Variants in DCDC2C observed in about 807,000 individuals in gnomAD.
DCDC2C encodes doublecortin domain containing 2C, also known as doublecortin domain-containing protein 2C.
DCDC2C carries 44 observed loss-of-function variants against 45.0 expected under a neutral mutation model. The ratio of observed to expected loss-of-function variants is 0.98; its 90% CI spans 0.77 to 1.26. The LOEUF is 1.26. Among genes scored for constraint, DCDC2C ranks in the 50% most tolerant of loss-of-function variants. The pLI is 0.00. For missense variants in DCDC2C, 447 were observed against 468.9 expected, an observed-to-expected ratio of 0.95 and a Z score of 0.43; for synonymous variants, 187 against 178.8, an observed-to-expected ratio of 1.05 and a Z score of -0.37.
Position 3,712,549 on chromosome 2 carries a change from T to C in DCDC2C, c.339+3949T>C, listed in dbSNP as rs117611920. On this transcript the variant is annotated intron_variant, in intron 2 of 10. Coordinates refer to ENST00000399143, the MANE Select transcript of DCDC2C (RefSeq NM_001287444.2). ...CACGTGGGAAGCTGAGGCGGGAGGA[T>C]CACTTGAGCCCAGGTGTTTGAGGAT... Among the ~76,000 whole-genome samples the C allele has an allele frequency of 3.8e-4, 58 of 151,036 alleles. No individual in the cohort carries two copies. The East Asian group carries it at 0.011, about 29-fold the overall frequency.
chr2:3,775,162 C>A (rs1203001044), intron 8 of DCDC2C, among the ~76,000 whole-genome samples: 4 of 124,752 alleles, frequency 3.2e-5, no homozygotes, highest in African/African-American at 1.2e-4. Flanking sequence ...GTGAGCTAGG[C>A]AGCTGTGGCT....
intron 6 of DCDC2C, among the ~76,000 whole-genome samples, chr2:3,754,870 A>T (rs922002919): frequency 6.6e-6 from 1 of 152,258 alleles, no homozygotes; most frequent in African/African-American, 2.4e-5. Context: ...AGAGACACAC[A>T]TAGGTATTTA....
At chr2:3,834,361 C>G (rs1672022935) in intron 10 of DCDC2C, among the ~76,000 whole-genome samples, 2 of 152,228 alleles carry the variant, frequency 1.3e-5, no homozygotes, top group Middle Eastern at 3.2e-3. Flanking sequence ...CCCTTGTCCC[C>G]TACAAACCTG....
chr2:3,706,023 T>A (rs1260589523), intron 1 of DCDC2C, among the ~76,000 whole-genome samples: 11 of 152,212 alleles, frequency 7.2e-5, no homozygotes, highest in Non-Finnish European at 1.6e-4. Context: ...TCTTCAGTTT[T>A]TTTTAGGTCA....
intron 6 of DCDC2C, 145 bp downstream of exon 6, chr2:3,754,779 A>T: frequency 1.5e-6 from 1 of 650,724 alleles, no homozygotes; most frequent in Non-Finnish European, 2.6e-6. Context: ...TGCCAGGCTT[A>T]TAAGGAAAAA....
Position 3,703,591 on chromosome 2 carries a change from C to T in DCDC2C, c.-161C>T, listed in dbSNP as rs1430722757. The T allele has an allele frequency of 2.9e-6, 2 of 681,448 alleles. No individual in the cohort carries two copies. The highest frequency in any genetic ancestry group is 4.6e-5 in the Admixed American group (1 of 21,510). The allele number at this position is 681,448 out of a possible 1,614,324, so 42.2% of individuals were successfully genotyped here. ...CCGCCTGGCAGCCCCGTCCCGTCCC[C>T]GTCCAGCCCCCGTCCCGTCCCCGTC... On this transcript the variant is annotated 5_prime_UTR_variant, in exon 1 of 11. Transcript: ENST00000399143. This position sits in a 1 kb window ranked among gnomAD's most constrained non-coding sequence, Gnocchi z 4.4.
intron 10 of DCDC2C, among the ~76,000 whole-genome samples, chr2:3,845,327 A>C (rs1321370143): frequency 2.6e-5 from 4 of 152,234 alleles, no homozygotes; most frequent in Non-Finnish European, 5.9e-5. Flanking sequence ...GAGAGAAGAC[A>C]GGCAGAGTCA....
At chr2:3,709,257 T>C (rs1329122676) in intron 2 of DCDC2C, among the ~76,000 whole-genome samples, 3 of 152,240 alleles carry the variant, frequency 2.0e-5, no homozygotes, top group Non-Finnish European at 4.4e-5. Flanking sequence ...GTTGCAATGT[T>C]GCTGTTCTTA....
chr2:3,728,855 T>A lies in DCDC2C; in HGVS notation c.416+1776T>A, dbSNP rs116158612. Among the ~76,000 whole-genome samples the A allele has an allele frequency of 3.2e-3, 490 of 152,290 alleles. 3 individuals are homozygous for A. The highest frequency in any genetic ancestry group is 9.9e-3 in the African/African-American group (413 of 41,548). ...TGAGCTGTGTTCTGCAGCAGCCAGA[T>A]GCTGGAGAGAGAGCCCGGGGCTCCC... On this transcript the variant is annotated intron_variant, in intron 3 of 10. Transcript: ENST00000399143.
chr2:3,801,290 T>C (rs1671105738), intron 10 of DCDC2C, among the ~76,000 whole-genome samples: 1 of 152,222 alleles, frequency 6.6e-6, no homozygotes, highest in Admixed American at 6.5e-5. Flanking sequence ...TTCCTGGCTC[T>C]GTGACCTATG....
At chr2:3,770,051 G>A (rs1005528221) in intron 8 of DCDC2C, among the ~76,000 whole-genome samples, 1 of 152,168 alleles carries the variant, frequency 6.6e-6, no homozygotes, top group African/African-American at 2.4e-5. Flanking sequence ...GCCCAGCTGC[G>A]CACCTGAGTG....
chr2:3,714,824 C>T (rs143059961), intron 2 of DCDC2C, among the ~76,000 whole-genome samples: 5 of 152,218 alleles, frequency 3.3e-5, no homozygotes, highest in Admixed American at 6.5e-5. Flanking sequence ...CTCACTTCCA[C>T]TATACTTCTT....
intron 10 of DCDC2C, among the ~76,000 whole-genome samples, chr2:3,810,776 C>T (rs1465109972): frequency 1.3e-5 from 2 of 152,156 alleles, no homozygotes; most frequent in Non-Finnish European, 2.9e-5. Flanking sequence ...AGGAAGGGGT[C>T]CAGTTTCAGT....
intron 4 of DCDC2C, among the ~76,000 whole-genome samples, chr2:3,744,344 G>T (rs73144830): frequency 0.018 from 2,776 of 152,286 alleles, 81 homozygotes; most frequent in African/African-American, 0.063. Flanking sequence ...CCAGCGTCCG[G>T]CTGTTGGTGC....
chr2:3,828,989 G>T (rs1261716055), intron 10 of DCDC2C, among the ~76,000 whole-genome samples: 1 of 152,154 alleles, frequency 6.6e-6, no homozygotes, highest in Non-Finnish European at 1.5e-5. Context: ...TATTCAAAAA[G>T]AGGGGACACA....
chr2:3,755,589 G>A (rs1669686786), intron 6 of DCDC2C, among the ~76,000 whole-genome samples: 1 of 152,108 alleles, frequency 6.6e-6, no homozygotes, highest in African/African-American at 2.4e-5. Context: ...ACATATGGAT[G>A]TATATGTGTG....
intron 8 of DCDC2C, among the ~76,000 whole-genome samples, chr2:3,776,569 C>G (rs1670344626): frequency 1.3e-5 from 2 of 152,204 alleles, no homozygotes; most frequent in Non-Finnish European, 2.9e-5. Context: ...TCCCTTTTCC[C>G]TCTGGCCGCT....
intron 2 of DCDC2C, among the ~76,000 whole-genome samples, chr2:3,718,384 G>C (rs578218064): frequency 7.0e-4 from 107 of 152,308 alleles, no homozygotes; most frequent in Non-Finnish European, 1.4e-3. Flanking sequence ...CTTAGAGTCA[G>C]CAATTTTGGA....
intron 3 of DCDC2C, among the ~76,000 whole-genome samples, chr2:3,736,561 G>C (rs576721330): frequency 7.2e-4 from 110 of 152,270 alleles, no homozygotes; most frequent in Non-Finnish European, 5.4e-4. Flanking sequence ...GAGCAGAGGG[G>C]TAGGATTCTT....
Sources: gnomAD v4.1 joint callset for allele counts (sites outside exome capture counted in the v4.1 genomes callset) on GRCh38, gnomAD v4.1.1 for gene constraint, Gnocchi (gnomAD v3.1) non-coding constraint, MANE v1.5 for transcripts, NCBI Gene and HGNC (gene_info 2026-07-23, HGNC 2026-07-21) for gene names.